Variants in SHROOM2 observed in about 807,000 individuals in gnomAD.
SHROOM2 encodes the protein protein Shroom2.
A neutral mutation model predicts 75.9 loss-of-function variants in SHROOM2; 33 were observed. The observed-to-expected ratio is 0.43, with a 90% CI of 0.33 to 0.58. The LOEUF is 0.58. Ranked by LOEUF, SHROOM2 falls within the 20% of genes least tolerant of loss-of-function variation. The pLI is 0.04. For synonymous variants in SHROOM2, 655 were observed against 663.6 expected, an observed-to-expected ratio of 0.99 and a Z score of 0.20; for missense variants, 1,434 against 1,461.2, an observed-to-expected ratio of 0.98 and a Z score of 0.30.
Position 9,891,035 on chromosome X carries a change from C to A in SHROOM2, c.376C>A (p.His126Asn). The A allele has an allele frequency of 1.7e-6, 2 of 1,203,880 alleles. No homozygotes were observed. Among genetic ancestry groups the A allele is most frequent in the East Asian group, 3.0e-5 (1 of 33,452 alleles). The change falls in exon 3 of 10, where the codon CAC (histidine) becomes AAC (asparagine). Residue 126 changes from histidine to asparagine, a missense_variant. By Grantham distance (68) the His-to-Asn change is moderately conservative. Coordinates refer to ENST00000380913, the MANE Select transcript of SHROOM2 (RefSeq NM_001649.4). ...SWHATKFSDS[H>N]PELAASPFTS... The stretch of plus-strand genomic sequence containing the variant: ...GCATGCCACCAAGTTCTCTGACAGC[C>A]ACCCCGAGCTAGCGGCCTCCCCATT...
chrX:9,878,523 C>T (rs1299083264), intron 2 of SHROOM2, among the ~76,000 whole-genome samples: 6 of 111,964 alleles, frequency 5.4e-5, no homozygotes, highest in African/African-American at 9.7e-5. Flanking sequence ...ACATGCGTCC[C>T]GTCTTGGGCA....
chrX:9,903,894 C>T (rs2084377726), intron 5 of SHROOM2, among the ~76,000 whole-genome samples: 1 of 110,741 alleles, frequency 9.0e-6, no homozygotes, highest in African/African-American at 3.3e-5. Flanking sequence ...ACATTTATAC[C>T]CATGGGGACT....
chrX:9,925,280 G>C (rs754924510), intron 5 of SHROOM2, among the ~76,000 whole-genome samples: 2 of 112,126 alleles, frequency 1.8e-5, no homozygotes, highest in South Asian at 7.4e-4. Flanking sequence ...TGGGTGTGCC[G>C]GCTCTTAGCT....
intron 1 of SHROOM2, among the ~76,000 whole-genome samples, chrX:9,829,559 A>G (rs1246661535): frequency 8.9e-6 from 1 of 111,993 alleles, no homozygotes; most frequent in Non-Finnish European, 1.9e-5. Flanking sequence ...ATTCCTTTTC[A>G]GCCCTTAGGG....
At chrX:9,854,368 TG>T (rs775943639) in intron 1 of SHROOM2, among the ~76,000 whole-genome samples, 131 of 111,747 alleles carry the variant, frequency 1.2e-3, no homozygotes, top group Non-Finnish European at 1.8e-3. Flanking sequence ...GATGGCTCTC[TG>T]GGTTGGATAG....
chrX:9,807,304 A>G lies in SHROOM2; in HGVS notation c.165+20594A>G, dbSNP rs373994593. On this transcript the variant is annotated intron_variant, in intron 1 of 9. Transcript: ENST00000380913. Reference sequence around the variant, plus strand: ...GCGCTCATCCTTCCTGCATTCAAGCATCAAGCCTGGTCATTCTGCTGCTTT... The same window carrying G: ...GCGCTCATCCTTCCTGCATTCAAGCGTCAAGCCTGGTCATTCTGCTGCTTT... Among the ~76,000 whole-genome samples the G allele has an allele frequency of 2.9e-3, 322 of 112,337 alleles. 3 individuals are homozygous for G. Among genetic ancestry groups the G allele is most frequent in the African/African-American group, 9.8e-3 (302 of 30,963 alleles).
intron 2 of SHROOM2, among the ~76,000 whole-genome samples, chrX:9,882,006 AG>A (rs1197534167): frequency 4.5e-5 from 5 of 111,759 alleles, no homozygotes; most frequent in Non-Finnish European, 9.4e-5. Flanking sequence ...AACATCAGAA[AG>A]GGCTAGGTGG....
In SHROOM2 at chrX:9,894,353, T is replaced by C. The variant is rs937036173; in HGVS notation, c.450-5T>C. The C allele has an allele frequency of 4.2e-6, 5 of 1,200,709 alleles. No individual in the cohort carries two copies. The highest frequency in any genetic ancestry group is 5.6e-6 in the Non-Finnish European group (5 of 888,884). On this transcript the variant is annotated splice_polypyrimidine_tract_variant and splice_region_variant and intron_variant, in intron 3 of 9. Coordinates refer to ENST00000380913, the MANE Select transcript of SHROOM2 (RefSeq NM_001649.4). ...CATGCCTTGTCCTTCTTCTCATTCT[T>C]GCAGTTCTTCCTCCCACGACCTGTC...
chrX:9,882,801 A>G (rs1200582894), intron 2 of SHROOM2, among the ~76,000 whole-genome samples: 1 of 112,357 alleles, frequency 8.9e-6, no homozygotes, highest in African/African-American at 3.2e-5. Flanking sequence ...GCGTTTGCTT[A>G]CAATGAGGCT....
intron 1 of SHROOM2, among the ~76,000 whole-genome samples, chrX:9,842,423 C>T (rs998291599): frequency 3.6e-5 from 4 of 112,594 alleles, no homozygotes; most frequent in African/African-American, 1.3e-4. Flanking sequence ...GAGACATCCT[C>T]CTGTTGTTTC....
At position 9,895,651 on chromosome X, in the gene SHROOM2, G is replaced by A. The variant is rs1425007128; in HGVS notation, c.1743G>A (p.Pro581=). 8.6e-6 allele frequency: 10 copies of A among 1,167,189 alleles called. No homozygotes were observed. Among genetic ancestry groups the A allele is most frequent in the Middle Eastern group, 2.3e-4 (1 of 4,301 alleles). The change falls in exon 4 of 10, where the codon CCG becomes CCA. Residue 581 remains proline, a synonymous_variant. Coordinates refer to ENST00000380913, the MANE Select transcript of SHROOM2 (RefSeq NM_001649.4). ...WADGESSRIC[P]QETPLLHSLT... ...ATGGGGAGAGCAGCAGGATCTGCCC[G>A]CAGGAGACGCCCCTGTTGCACTCCC...
Position 9,895,355 on chromosome X carries a change from G to A in SHROOM2, c.1447G>A (p.Gly483Arg). ...GCAGGGTCCCCGGCCCTGTGTGCAGGGAGACCTGCAAGCAGCACAGCTCTG... is the reference window on the plus strand; with the variant it reads ...GCAGGGTCCCCGGCCCTGTGTGCAGAGAGACCTGCAAGCAGCACAGCTCTG... ...GWQGPRPCVQ[G>R]DLQAAQLWAG... Residue 483 changes from glycine (G) to arginine (R), a missense_variant, in exon 4 of 10, where the codon GGA (glycine) becomes AGA (arginine). Physicochemically the swap from Gly to Arg is moderately radical, Grantham distance 125. Around this residue, in one of 3 missense-constraint regions of SHROOM2, gnomAD observed 1,340 missense variants for 1,338.3 expected, o/e 1.00. Coordinates refer to ENST00000380913, the MANE Select transcript of SHROOM2 (RefSeq NM_001649.4). 1 of 1,184,763 alleles carries A rather than the reference G, an allele frequency of 8.4e-7. No homozygotes were observed. Among genetic ancestry groups the A allele is most frequent in the Non-Finnish European group, 1.1e-6 (1 of 882,308 alleles).
chrX:9,898,447 G>T (rs1321599123), intron 5 of SHROOM2, among the ~76,000 whole-genome samples, 157 bp downstream of exon 5: 1 of 112,639 alleles, frequency 8.9e-6, no homozygotes, highest in Non-Finnish European at 1.9e-5. Context: ...TGACGTACTG[G>T]AGGTCTGGGC....
At position 9,894,578 on chromosome X, in the gene SHROOM2, T is replaced by A. The variant is rs747759246; in HGVS notation, c.670T>A (p.Leu224Met). Residue 224 changes from leucine (L) to methionine (M), a missense_variant, in exon 4 of 10, where the codon TTG (leucine) becomes ATG (methionine). Coordinates refer to ENST00000380913, the MANE Select transcript of SHROOM2 (RefSeq NM_001649.4). ...CAGCTCTAGCACTCCTGACCACACC[T>A]TGTCCAAAGCCGACACGTCCTCCGC... Reference protein sequence around the residue: ...STSSSTPDHTLSKADTSSAEN... With the variant: ...STSSSTPDHTMSKADTSSAEN... 7.4e-6 allele frequency: 9 copies of A among 1,211,393 alleles called. No homozygotes were observed. Among genetic ancestry groups the A allele is most frequent in the Non-Finnish European group, 8.9e-6 (8 of 895,346 alleles).
intron 5 of SHROOM2, among the ~76,000 whole-genome samples, chrX:9,921,283 C>T (rs2239424): frequency 0.052 from 5,875 of 111,905 alleles, 204 homozygotes; most frequent in East Asian, 0.15. Flanking sequence ...TTCTGCCATA[C>T]ATTTTTAAAC....
chrX:9,920,549 A>G (rs1290313737), intron 5 of SHROOM2, among the ~76,000 whole-genome samples: 1 of 112,603 alleles, frequency 8.9e-6, no homozygotes, highest in Non-Finnish European at 1.9e-5. Flanking sequence ...TTCTAAAACT[A>G]TTATTGAGGT....
At chrX:9,873,913 A>G (rs2084184708) in intron 2 of SHROOM2, 110 bp downstream of exon 2, 1 of 827,268 alleles carries the variant, frequency 1.2e-6, no homozygotes, top group Non-Finnish European at 1.7e-6. Flanking sequence ...CTCGATTGGG[A>G]CATGCACTTA....
intron 1 of SHROOM2, among the ~76,000 whole-genome samples, chrX:9,843,697 G>A (rs775941190): frequency 6.4e-4 from 72 of 112,406 alleles, no homozygotes; most frequent in African/African-American, 2.2e-3. Context: ...CACTGCGCCC[G>A]GCCCACATGA....
intron 1 of SHROOM2, among the ~76,000 whole-genome samples, chrX:9,845,994 ATCTAGTATGGAC>A (rs923090189): frequency 3.0e-5 from 3 of 100,299 alleles, no homozygotes; most frequent in African/African-American, 1.1e-4. Context: ...AAATAGCATC[ATCTAGTATGGAC>A]TCTTTTGTGT....
Sources: allele counts gnomAD v4.1 joint callset (sites outside exome capture counted in the v4.1 genomes callset), GRCh38; gene constraint gnomAD v4.1.1; regional missense constraint gnomAD v4.1.1; transcripts MANE v1.5; gene names NCBI Gene and HGNC (gene_info 2026-07-23, HGNC 2026-07-21).